MBNL2: variants seen among roughly 807,000 people sequenced by gnomAD.
MBNL2 encodes the protein muscleblind like splicing regulator 2, also known as muscleblind-like protein 2.
In MBNL2, 17 loss-of-function variants were observed where a neutral mutation model predicts 41.9. That is an observed-to-expected ratio of 0.41 (90% CI 0.28 to 0.61). The LOEUF is 0.61. Ranked by LOEUF, MBNL2 falls within the 20% of genes least tolerant of loss-of-function variation. MBNL2 has a pLI of 0.35. For synonymous variants in MBNL2, 195 were observed against 182.9 expected, an observed-to-expected ratio of 1.07 and a Z score of -0.53; for missense variants, 336 against 505.6, an observed-to-expected ratio of 0.66 and a Z score of 3.22.
At chr13:97,324,188 A>G (rs7320865) in intron 2 of MBNL2, among the ~76,000 whole-genome samples, 88,476 of 151,956 alleles carry the variant, frequency 0.58, 26,874 homozygotes, top group African/African-American at 0.77. Context: ...CTCTAAACTA[A>G]GGAGAGCTCC....
At chr13:97,237,893 T>C (rs1340831637) in intron 1 of MBNL2, among the ~76,000 whole-genome samples, 4 of 152,140 alleles carry the variant, frequency 2.6e-5, no homozygotes, top group African/African-American at 9.7e-5. Context: ...CATGAAGGCA[T>C]GGGCTGGGAT....
intron 1 of MBNL2, among the ~76,000 whole-genome samples, chr13:97,261,137 C>T (rs1468529130): frequency 3.3e-5 from 5 of 151,948 alleles, no homozygotes; most frequent in African/African-American, 1.2e-4. Flanking sequence ...GCTATTCATT[C>T]CGATAGAAAG....
In MBNL2 at chr13:97,272,615, T is replaced by A. The variant is rs754345086; in HGVS notation, c.-604-3017T>A. 2.0e-4 allele frequency among the ~76,000 whole-genome samples: 31 copies of A among 152,188 alleles called. 1 individual carries two copies. Among genetic ancestry groups the A allele is most frequent in the Admixed American group, 2.0e-3 (31 of 15,284 alleles). On this transcript the variant is annotated intron_variant, in intron 1 of 8. Coordinates refer to ENST00000679496, the MANE Select transcript of MBNL2 (RefSeq NM_001382683.1). ...GTCTTTAATCCATCTTGAGTTAATT[T>A]TTGTATAAGGTGTAAGGCAGGCCAT...
At position 97,295,357 on chromosome 13, in the gene MBNL2, C is replaced by G. The variant is rs145094461; in HGVS notation, c.174+18948C>G. Among the ~76,000 whole-genome samples, 1,077 of 151,818 alleles carry G rather than the reference C, an allele frequency of 7.1e-3. 4 individuals are homozygous for G. Among genetic ancestry groups the G allele is most frequent in the Middle Eastern group, 0.014 (4 of 294 alleles). ...TTTCTATACCAAAGATACTAACAGA[C>G]AGTCCCAAGCAGAACTAATTGCTAA... On this transcript the variant is annotated intron_variant, in intron 2 of 8. Coordinates refer to ENST00000679496, the MANE Select transcript of MBNL2 (RefSeq NM_001382683.1).
intron 1 of MBNL2, among the ~76,000 whole-genome samples, chr13:97,244,456 A>G (rs748389335): frequency 6.6e-6 from 1 of 152,246 alleles, no homozygotes; most frequent in Non-Finnish European, 1.5e-5. Context: ...AAATCGGGAA[A>G]CAAATAGAGA....
At chr13:97,186,203 G>A in the MBNL2 span, among the ~76,000 whole-genome samples, 2 of 152,172 alleles carry the variant, frequency 1.3e-5, no homozygotes, top group South Asian at 2.1e-4. Flanking sequence ...GAGCTTTCCT[G>A]ATTTTTAGAC....
At chr13:97,247,038 G>A (rs921992288) in intron 1 of MBNL2, among the ~76,000 whole-genome samples, 5 of 152,106 alleles carry the variant, frequency 3.3e-5, no homozygotes, top group African/African-American at 4.8e-5. Context: ...TGACAGTCTC[G>A]AAACCAATTC....
intron 1 of MBNL2, among the ~76,000 whole-genome samples, chr13:97,229,639 G>T (rs555523919): frequency 6.6e-6 from 1 of 152,238 alleles, no homozygotes; most frequent in East Asian, 1.9e-4. Context: ...AGCATGATGT[G>T]GTATAGTGGC....
intron 8 of MBNL2, among the ~76,000 whole-genome samples, chr13:97,368,567 T>C (rs2064065766): frequency 6.6e-6 from 1 of 152,070 alleles, no homozygotes; most frequent in African/African-American, 2.4e-5. Context: ...TAGTTTGGAG[T>C]TGTAGGATAA....
chr13:97,324,980 G>A (rs921736125), intron 2 of MBNL2, among the ~76,000 whole-genome samples: 1 of 152,050 alleles, frequency 6.6e-6, no homozygotes, highest in Non-Finnish European at 1.5e-5. Context: ...GCCTCTCCCA[G>A]TCCACTGACT....
At position 97,366,538 on chromosome 13, in the gene MBNL2, A is replaced by C; in HGVS notation, c.1048+1367A>C. The C allele has an allele frequency of 6.2e-7, 1 of 1,611,170 alleles. No homozygotes were observed. The highest frequency in any genetic ancestry group is 8.5e-7 in the Non-Finnish European group (1 of 1,177,368). On this transcript the variant is annotated intron_variant, in intron 8 of 8. Coordinates refer to ENST00000679496, the MANE Select transcript of MBNL2 (RefSeq NM_001382683.1). This position sits in a 1 kb window ranked among gnomAD's most constrained non-coding sequence, Gnocchi z 4.7. ...CAACAAGTGTCCCCTTCGCAGCAACAGCCACAGCCAATCAGGTTTGCTCCT... is the reference window on the plus strand; with the variant it reads ...CAACAAGTGTCCCCTTCGCAGCAACCGCCACAGCCAATCAGGTTTGCTCCT...
chr13:97,160,714 TAGAATG>T, the MBNL2 span, among the ~76,000 whole-genome samples: 1 of 152,214 alleles, frequency 6.6e-6, no homozygotes, highest in Non-Finnish European at 1.5e-5. Context: ...ATAAACTCCT[TAGAATG>T]AGAATCAGGA....
chr13:97,286,672 G>A (rs2054515086), intron 2 of MBNL2, among the ~76,000 whole-genome samples: 1 of 152,122 alleles, frequency 6.6e-6, no homozygotes, highest in Non-Finnish European at 1.5e-5. Context: ...CTGCTCCCCA[G>A]CCCCCCACAC....
chr13:97,187,510 C>T, the MBNL2 span, among the ~76,000 whole-genome samples: 33 of 143,970 alleles, frequency 2.3e-4, 2 homozygotes, highest in Admixed American at 2.3e-3. Context: ...GTCCCAGAGC[C>T]ATGCATAGTA....
chr13:97,193,821 GTCTTT>G, the MBNL2 span, among the ~76,000 whole-genome samples: 1 of 152,132 alleles, frequency 6.6e-6, no homozygotes, highest in East Asian at 1.9e-4. Flanking sequence ...GCCCTTAACT[GTCTTT>G]CTCGAGCATC....
At chr13:97,149,337 G>A in the MBNL2 span, among the ~76,000 whole-genome samples, 4 of 152,222 alleles carry the variant, frequency 2.6e-5, no homozygotes, top group South Asian at 4.2e-4. Context: ...CGTACACTGC[G>A]CATGCTTAGT....
intron 2 of MBNL2, among the ~76,000 whole-genome samples, chr13:97,282,682 CT>C (rs1463535139): frequency 2.0e-5 from 3 of 152,180 alleles, no homozygotes; most frequent in Non-Finnish European, 4.4e-5. Flanking sequence ...GTTGTACTTC[CT>C]GAAAGCAAGC....
chr13:97,357,964 G>T, intron 7 of MBNL2, among the ~76,000 whole-genome samples: 1 of 152,054 alleles, frequency 6.6e-6, no homozygotes, highest in East Asian at 1.9e-4. Context: ...ATTGAAATTT[G>T]TCCTTAACTC....
upstream of MBNL2, among the ~76,000 whole-genome samples, chr13:97,221,123 T>C (rs977596340): frequency 3.3e-5 from 5 of 152,206 alleles, no homozygotes; most frequent in African/African-American, 1.2e-4. Context: ...AAAGAAAGCA[T>C]TCCATTGCAT....
Sources: allele counts gnomAD v4.1 joint callset (sites outside exome capture counted in the v4.1 genomes callset), GRCh38; gene constraint gnomAD v4.1.1; non-coding constraint Gnocchi (gnomAD v3.1); transcripts MANE v1.5; gene names NCBI Gene and HGNC (gene_info 2026-07-23, HGNC 2026-07-21).